Variants in BLK observed in about 807,000 individuals in gnomAD.
BLK encodes the protein BLK proto-oncogene, Src family tyrosine kinase, also known as tyrosine-protein kinase Blk.
A neutral mutation model predicts 61.8 loss-of-function variants in BLK; 64 were observed. That is an observed-to-expected ratio of 1.03 (90% CI 0.85 to 1.27). BLK has a LOEUF of 1.27. BLK is among the 50% of genes most tolerant of loss of function. The pLI, the probability that BLK is intolerant of heterozygous loss-of-function variation, is 0.00. For missense variants in BLK, 853 were observed against 660.5 expected (o/e 1.29, Z -3.19); for synonymous variants, 351 against 272.0 (o/e 1.29, Z -2.86).
chr8:11,554,932 GC>G, intron 7 of BLK, 43 bp downstream of exon 7: 8 of 1,603,304 alleles, frequency 5.0e-6, no homozygotes, highest in Non-Finnish European at 5.9e-6. Context: ...TGTGCCAAGA[GC>G]CCCTGGATCT....
At chr8:11,533,640 G>A (rs1348444727) in intron 1 of BLK, among the ~76,000 whole-genome samples, 1 of 146,810 alleles carries the variant, frequency 6.8e-6, no homozygotes, top group Non-Finnish European at 1.5e-5. Flanking sequence ...GGGGGAAGGG[G>A]AGGTGGAGGA....
chr8:11,505,559 C>T (rs576860474), intron 1 of BLK, among the ~76,000 whole-genome samples: 4 of 152,306 alleles, frequency 2.6e-5, no homozygotes, highest in South Asian at 2.1e-4. Context: ...CCATTGCTTT[C>T]GTTCAGGCCC....
chr8:11,496,887 G>A (rs1190653181), intron 1 of BLK, among the ~76,000 whole-genome samples: 1 of 152,120 alleles, frequency 6.6e-6, no homozygotes, highest in Non-Finnish European at 1.5e-5. Flanking sequence ...GGACTCAAAG[G>A]GCCAGATCCC....
intron 11 of BLK, among the ~76,000 whole-genome samples, chr8:11,562,152 A>G (rs1028119898): frequency 2.0e-5 from 3 of 152,180 alleles, no homozygotes; most frequent in Non-Finnish European, 4.4e-5. Flanking sequence ...CTTCCATGGA[A>G]TTAGGCTTTC....
In BLK at chr8:11,524,525, A is replaced by C. The variant is rs193179700; in HGVS notation, c.-1-18699A>C. Reference sequence around the variant, plus strand: ...AGTACAGGGAACTACATACTTCCATACTGCTGTACGAAATGTCTGAAGGAC... The same window carrying C: ...AGTACAGGGAACTACATACTTCCATCCTGCTGTACGAAATGTCTGAAGGAC... On this transcript the variant is annotated intron_variant, in intron 1 of 12. Coordinates refer to ENST00000259089, the MANE Select transcript of BLK (RefSeq NM_001715.3). 8.3e-4 allele frequency among the ~76,000 whole-genome samples: 127 copies of C among 152,376 alleles called. 1 individual carries two copies. The highest frequency in any genetic ancestry group is 2.5e-3 in the Admixed American group (38 of 15,314).
intron 1 of BLK, among the ~76,000 whole-genome samples, chr8:11,531,331 T>C (rs1253869069): frequency 6.6e-6 from 1 of 152,198 alleles, no homozygotes; most frequent in Non-Finnish European, 1.5e-5. Context: ...TTTATCAATT[T>C]TTCTTGTATA....
At chr8:11,545,305 T>G (rs1800580045) in intron 2 of BLK, among the ~76,000 whole-genome samples, 1 of 152,220 alleles carries the variant, frequency 6.6e-6, no homozygotes, top group African/African-American at 2.4e-5. Context: ...TCCCAGCACT[T>G]TGGGAGGCCG....
intron 5 of BLK, 104 bp from the exon 6 acceptor site, chr8:11,550,055 A>C (rs1800829734): frequency 2.8e-6 from 3 of 1,055,316 alleles, no homozygotes; most frequent in Non-Finnish European, 4.4e-6. Flanking sequence ...CAGAAATGCT[A>C]GATTTTTATT....
At chr8:11,540,968 A>G (rs1800352878) in intron 1 of BLK, among the ~76,000 whole-genome samples, 1 of 152,196 alleles carries the variant, frequency 6.6e-6, no homozygotes, top group Admixed American at 6.5e-5. Context: ...ATTCTAAATA[A>G]AATATTAGCA....
At chr8:11,496,448 G>T (rs1798361806) in intron 1 of BLK, among the ~76,000 whole-genome samples, 1 of 152,176 alleles carries the variant, frequency 6.6e-6, no homozygotes, top group Non-Finnish European at 1.5e-5. Context: ...TCGCTTTGTT[G>T]CCTGGGCTGA....
At chr8:11,539,906 C>G (rs1255012345) in intron 1 of BLK, among the ~76,000 whole-genome samples, 1 of 152,170 alleles carries the variant, frequency 6.6e-6, no homozygotes, top group African/African-American at 2.4e-5. Context: ...CTGCAATATA[C>G]TTCCTGTCAA....
intron 1 of BLK, among the ~76,000 whole-genome samples, chr8:11,539,031 G>A (rs989929038): frequency 6.6e-6 from 1 of 151,950 alleles, no homozygotes; most frequent in Non-Finnish European, 1.5e-5. Flanking sequence ...ACTTTGGTGG[G>A]ACCTGCTTTG....
At chr8:11,501,162 C>T (rs903111507) in intron 1 of BLK, among the ~76,000 whole-genome samples, 1 of 151,934 alleles carries the variant, frequency 6.6e-6, no homozygotes, top group African/African-American at 2.4e-5. Context: ...GCTGAGACTG[C>T]CGCTGCACTC....
At chr8:11,561,046 G>A (rs1327095315) in intron 10 of BLK, 2 of 657,508 alleles carry the variant, frequency 3.0e-6, no homozygotes, top group Non-Finnish European at 5.6e-6. Context: ...GGACACAGCT[G>A]TGTGGAGCGA....
intron 6 of BLK, among the ~76,000 whole-genome samples, chr8:11,553,913 G>C (rs974721942): frequency 6.6e-5 from 10 of 152,132 alleles, no homozygotes; most frequent in African/African-American, 2.4e-4. Flanking sequence ...GAGAACGAGG[G>C]GTCCGTGCCT....
At chr8:11,511,727 G>A (rs4841545) in intron 1 of BLK, among the ~76,000 whole-genome samples, 1 of 151,982 alleles carries the variant, frequency 6.6e-6, no homozygotes, top group African/African-American at 2.4e-5. Context: ...CAACAAAAAG[G>A]AGAAAATTAT....
chr8:11,554,809 G>C lies in BLK; in HGVS notation c.539G>C (p.Arg180Pro). The C allele has an allele frequency of 1.2e-6, 2 of 1,614,026 alleles. No homozygotes were observed. The highest frequency in any genetic ancestry group is 1.1e-5 in the South Asian group (1 of 91,078). Residue 180 changes from arginine (R) to proline (P), a missense_variant, in exon 7 of 13, where the codon CGC becomes CCC. Coordinates refer to ENST00000259089, the MANE Select transcript of BLK (RefSeq NM_001715.3). ...QGELIKHYKI[R>P]CLDEGGYYIS... ...GAGCTGATCAAGCACTATAAGATCC[G>C]CTGCCTGGATGAAGGGGGCTACTAC...
intron 1 of BLK, among the ~76,000 whole-genome samples, chr8:11,527,562 CA>C (rs1379098994): frequency 6.6e-6 from 1 of 151,648 alleles, no homozygotes; most frequent in African/African-American, 2.4e-5. Flanking sequence ...TTAGTCTCCC[CA>C]AAGGTGTGAA....
intron 1 of BLK, among the ~76,000 whole-genome samples, chr8:11,540,453 G>A (rs1800325210): frequency 1.3e-5 from 2 of 152,042 alleles, no homozygotes; most frequent in African/African-American, 4.8e-5. Flanking sequence ...TAATTATAAA[G>A]CTAGGTTAAG....
Sources: gnomAD v4.1 joint callset for allele counts (sites outside exome capture counted in the v4.1 genomes callset) on GRCh38, gnomAD v4.1.1 for gene constraint, MANE v1.5 for transcripts, NCBI Gene and HGNC (gene_info 2026-07-23, HGNC 2026-07-21) for gene names.